Variants in TAB2 observed in about 807,000 individuals in gnomAD.
The protein encoded by TAB2 is TGF-beta-activated kinase 1 and MAP3K7-binding protein 2.
In TAB2, 3 loss-of-function variants were observed where a neutral mutation model predicts 65.0. The ratio of observed to expected loss-of-function variants is 0.05; its 90% CI spans 0.02 to 0.12. The LOEUF is 0.12. TAB2 is among the 10% of genes least tolerant of loss of function. The pLI, the probability that TAB2 is intolerant of heterozygous loss-of-function variation, is 1.00. For synonymous variants in TAB2, 298 were observed against 285.1 expected, an observed-to-expected ratio of 1.05 and a Z score of -0.46; for missense variants, 623 against 840.3, an observed-to-expected ratio of 0.74 and a Z score of 3.20.
At chr6:149,253,962 G>GAAAGAAAGAA (rs1562389220) in intron 1 of TAB2, among the ~76,000 whole-genome samples, 181 of 42,976 alleles carry the variant, frequency 4.2e-3, no homozygotes, top group African/African-American at 5.2e-3. Flanking sequence ...GAAAGAAAAA[G>GAAAGAAAGAA]AAAGAAAGAA....
intron 1 of TAB2, among the ~76,000 whole-genome samples, chr6:149,250,517 G>C (rs1777837755): frequency 6.6e-6 from 1 of 152,116 alleles, no homozygotes; most frequent in Non-Finnish European, 1.5e-5. Flanking sequence ...TGTTCCCCAT[G>C]CTGATCTCAA....
chr6:149,391,575 G>A (rs1319185043), intron 3 of TAB2, among the ~76,000 whole-genome samples: 3 of 151,940 alleles, frequency 2.0e-5, no homozygotes, highest in South Asian at 4.1e-4. Context: ...AGGGTGTCAC[G>A]GTTGCCCAGG....
rs184908412 is a variant in TAB2 at position 149,364,225 on chromosome 6, T to C, written c.-89-5684T>C. Among the ~76,000 whole-genome samples the C allele has an allele frequency of 4.6e-5, 7 of 152,334 alleles. No homozygotes were observed. In the East Asian group the frequency reaches 1.4e-3, roughly 29 times the overall value. On this transcript the variant is annotated intron_variant, in intron 1 of 6. Coordinates refer to ENST00000637181, the MANE Select transcript of TAB2 (RefSeq NM_001292034.3). ...TTATACACACATGATTTCTTGATCATGTCACCTTTCCTACCTCTGAGCTTT... is the reference window on the plus strand; with the variant it reads ...TTATACACACATGATTTCTTGATCACGTCACCTTTCCTACCTCTGAGCTTT...
At chr6:149,241,869 G>A (rs1777604041) in intron 1 of TAB2, among the ~76,000 whole-genome samples, 1 of 152,066 alleles carries the variant, frequency 6.6e-6, no homozygotes, top group Admixed American at 6.6e-5. Flanking sequence ...AAGTGAACTG[G>A]ACCTGAAGCC....
chr6:149,346,641 A>G (rs894002611), intron 1 of TAB2: 1 of 151,850 alleles, frequency 6.6e-6, no homozygotes, highest in Non-Finnish European at 1.5e-5. Flanking sequence ...TTTAGTAGAG[A>G]TGGGGCTTCA....
At chr6:149,306,878 A>G (rs1000998709) in intron 1 of TAB2, among the ~76,000 whole-genome samples, 1 of 152,210 alleles carries the variant, frequency 6.6e-6, no homozygotes, top group African/African-American at 2.4e-5. Flanking sequence ...GAAAGACCAT[A>G]CAGTTTATTT....
intron 1 of TAB2, among the ~76,000 whole-genome samples, chr6:149,227,712 C>T (rs144762076): frequency 2.4e-3 from 371 of 152,296 alleles, no homozygotes; most frequent in African/African-American, 8.5e-3. Context: ...TCCTGAAAAT[C>T]AAGAAGAGCT....
intron 1 of TAB2, among the ~76,000 whole-genome samples, chr6:149,260,299 G>A (rs1778125302): frequency 6.6e-6 from 1 of 152,220 alleles, no homozygotes; most frequent in African/African-American, 2.4e-5. Flanking sequence ...AGTGGGTTTG[G>A]AACGGGAGGA....
At chr6:149,315,986 T>C (rs1297882455), upstream of TAB2, among the ~76,000 whole-genome samples, 1 of 152,226 alleles carries the variant, frequency 6.6e-6, no homozygotes, top group East Asian at 1.9e-4. Context: ...CAAAAGCAAT[T>C]GTTGCCTCTG....
chr6:149,370,346 T>C (rs1781182426), intron 2 of TAB2, among the ~76,000 whole-genome samples: 1 of 152,174 alleles, frequency 6.6e-6, no homozygotes, highest in African/African-American at 2.4e-5. Flanking sequence ...ATGTAAAGCA[T>C]TGATAATATC....
chr6:149,409,229 A>C (rs1049127699), intron 6 of TAB2, among the ~76,000 whole-genome samples: 1 of 152,244 alleles, frequency 6.6e-6, no homozygotes, highest in African/African-American at 2.4e-5. Flanking sequence ...GTACACTGAC[A>C]GTATTGTTTT....
chr6:149,355,787 T>C (rs2114817906), intron 1 of TAB2, among the ~76,000 whole-genome samples: 1 of 152,292 alleles, frequency 6.6e-6, no homozygotes, highest in Admixed American at 6.5e-5. Flanking sequence ...TGTTTACCTG[T>C]GTGCTTCCTA....
intron 1 of TAB2, among the ~76,000 whole-genome samples, chr6:149,240,694 T>C (rs987704302): frequency 1.3e-5 from 2 of 152,202 alleles, no homozygotes; most frequent in Admixed American, 6.5e-5. Context: ...AATTTGCATA[T>C]AATGAACATG....
intron 1 of TAB2, among the ~76,000 whole-genome samples, chr6:149,228,284 T>G (rs1777326499): frequency 1.3e-5 from 2 of 152,228 alleles, no homozygotes; most frequent in Non-Finnish European, 2.9e-5. Flanking sequence ...TTATTCATTA[T>G]TTGCAATGCG....
chr6:149,407,463 C>A (rs1375031523), intron 6 of TAB2, among the ~76,000 whole-genome samples: 3 of 152,046 alleles, frequency 2.0e-5, no homozygotes, highest in Non-Finnish European at 4.4e-5. Flanking sequence ...GTCCTCTCTA[C>A]TTTTATATAT....
Position 149,411,467 on chromosome 6 carries a change from A to G in TAB2, c.*1748A>G, listed in dbSNP as rs1281765338. The G allele has an allele frequency of 1.3e-5, 2 of 152,756 alleles. No individual in the cohort carries two copies. Among genetic ancestry groups the G allele is most frequent in the Non-Finnish European group, 2.9e-5 (2 of 68,046 alleles). The allele number at this position is 152,756 out of a possible 1,614,324, so 9.5% of individuals were successfully genotyped here. Reference sequence around the variant, plus strand: ...CAGCTTCATCTGCAGTTCTATGTGAAGATTGATAAATCAGTTTTTACTTGT... The same window carrying G: ...CAGCTTCATCTGCAGTTCTATGTGAGGATTGATAAATCAGTTTTTACTTGT... On this transcript the variant is annotated 3_prime_UTR_variant, in exon 7 of 7. Transcript: ENST00000637181.
intron 1 of TAB2, among the ~76,000 whole-genome samples, chr6:149,323,171 T>G (rs1355578166): frequency 1.3e-5 from 2 of 152,166 alleles, no homozygotes; most frequent in Non-Finnish European, 2.9e-5. Context: ...CACTGGAATC[T>G]CTACTTTTAA....
At chr6:149,385,019 C>T (rs1488826233) in intron 3 of TAB2, among the ~76,000 whole-genome samples, 1 of 151,994 alleles carries the variant, frequency 6.6e-6, no homozygotes, top group Non-Finnish European at 1.5e-5. Flanking sequence ...GGTTTTTCCT[C>T]AGTTATGTTT....
Position 149,328,654 on chromosome 6 carries a change from C to T in TAB2, c.-90+10639C>T, listed in dbSNP as rs1177422602. Among the ~76,000 whole-genome samples the T allele has an allele frequency of 2.6e-5, 4 of 152,204 alleles. No homozygotes were observed. The East Asian group carries it at 7.7e-4, about 29-fold the overall frequency. ...AATAGTTTTGAGTTCCTGCTGTGTG[C>T]CTGTACTTTGCTAGGTCAAAGGGGT... On this transcript the variant is annotated intron_variant, in intron 1 of 6. Transcript: ENST00000637181.
Sources: allele counts gnomAD v4.1 joint callset (sites outside exome capture counted in the v4.1 genomes callset), GRCh38; gene constraint gnomAD v4.1.1; transcripts MANE v1.5; gene names NCBI Gene and HGNC (gene_info 2026-07-23, HGNC 2026-07-21).